Variants in DUXA observed in about 807,000 individuals in gnomAD.
DUXA encodes the protein double homeobox protein A.
A neutral mutation model predicts 27.5 loss-of-function variants in DUXA; 25 were observed. The observed-to-expected ratio is 0.91, with a 90% CI of 0.66 to 1.27. The LOEUF is 1.27. Among genes scored for constraint, DUXA ranks in the 50% most tolerant of loss-of-function variants. The pLI is 0.00. For missense variants in DUXA, 247 were observed against 242.9 expected (o/e 1.02, Z -0.11); for synonymous variants, 90 against 80.5 (o/e 1.12, Z -0.63).
rs534321374 is a variant in DUXA, at chr19:57,157,600, G to T, written c.438+728C>A. ...CCCACCTCAGCCTCCCAAAGTGCTGGCATTACAGACGTGAGCCACCGCACC... is the reference window on the plus strand; with the variant it reads ...CCCACCTCAGCCTCCCAAAGTGCTGTCATTACAGACGTGAGCCACCGCACC... On this transcript the variant is annotated intron_variant, in intron 4 of 5. Coordinates refer to ENST00000554048, the MANE Select transcript of DUXA (RefSeq NM_001012729.2). Among the ~76,000 whole-genome samples the T allele has an allele frequency of 1.0e-3, 155 of 152,024 alleles. No homozygotes were observed. In the Middle Eastern group the frequency reaches 0.01, roughly 10 times the overall value.
At chr19:57,158,222 C>T (rs2087001824) in intron 4 of DUXA, 106 bp downstream of exon 4, 1 of 1,366,674 alleles carries the variant, frequency 7.3e-7, no homozygotes, top group Admixed American at 1.8e-5. Flanking sequence ...GTGAAAGACC[C>T]TGAAATGTGC....
At chr19:57,165,915 T>C (rs1455068479) in intron 1 of DUXA, among the ~76,000 whole-genome samples, 2 of 151,458 alleles carry the variant, frequency 1.3e-5, no homozygotes, top group Non-Finnish European at 2.9e-5. Flanking sequence ...GCAAAAGATG[T>C]AGTGTATCAG....
Position 57,167,448 on chromosome 19 carries a change from G to C in DUXA, c.-5C>G, listed in dbSNP as rs1427048314. On this transcript the variant is annotated 5_prime_UTR_variant, in exon 1 of 6. Transcript: ENST00000554048. ...TGAATAGGTGTCTTCGGCCATGCTG[G>C]AAGAGAGTCCTGAAGGCTGAGCCAC... 4 of 1,613,382 alleles carry C rather than the reference G, an allele frequency of 2.5e-6. No homozygotes were observed. In the African/African-American group the frequency reaches 5.3e-5, roughly 22 times the overall value.
intron 1 of DUXA, among the ~76,000 whole-genome samples, chr19:57,165,337 ATATATATG>A (rs1349445326): frequency 4.2e-5 from 6 of 143,952 alleles, no homozygotes; most frequent in African/African-American, 1.0e-4. Flanking sequence ...ATATATATAT[ATATATATG>A]TATATATATA....
chr19:57,160,913 A>G, intron 1 of DUXA, 116 bp from the exon 2 acceptor site: 1 of 1,171,806 alleles, frequency 8.5e-7, no homozygotes, highest in South Asian at 1.5e-5. Context: ...CCACTCCAGG[A>G]GAACTACCCT....
chr19:57,155,321 G>T lies in DUXA; in HGVS notation c.490C>A (p.Pro164Thr), dbSNP rs749793051. 15 of 1,614,070 alleles carry T rather than the reference G, an allele frequency of 9.3e-6. No homozygotes were observed. Among genetic ancestry groups the T allele is most frequent in the Admixed American group, 1.7e-5 (1 of 59,996 alleles). Reference sequence around the variant, plus strand: ...TCTTCTTGTTCTAAGGACGCCACAGGTTCCCTTTTTCTCTGGAGAAGTAAT... The same window carrying T: ...TCTTCTTGTTCTAAGGACGCCACAGTTTCCCTTTTTCTCTGGAGAAGTAAT... ...SRLLLQRKRE[P>T]VASLEQEEQG... Residue 164 changes from proline (P) to threonine (T), a missense_variant, in exon 5 of 6, where the codon CCT (proline) becomes ACT (threonine). By Grantham distance (38) the Pro-to-Thr change is conservative (BLOSUM62 -1). Coordinates refer to ENST00000554048, the MANE Select transcript of DUXA (RefSeq NM_001012729.2).
At position 57,154,320 on chromosome 19, in the gene DUXA, G is replaced by A; in HGVS notation, c.*92C>T. On this transcript the variant is annotated 3_prime_UTR_variant, in exon 6 of 6. Transcript: ENST00000554048. ...TTACCATCTTCAGAAGGCTTAGCTT[G>A]CAGTTTCAGCAGAAGGATAGACTCC... 2.5e-6 allele frequency: 3 copies of A among 1,198,710 alleles called. No individual in the cohort carries two copies. The highest frequency in any genetic ancestry group is 2.4e-6 in the Non-Finnish European group (2 of 818,824). The allele number at this position is 1,198,710 out of a possible 1,614,324, so 74.3% of individuals were successfully genotyped here. A position where few individuals can be genotyped will look rare whatever the true frequency, so the allele number is the denominator to read the frequency against.
intron 4 of DUXA, among the ~76,000 whole-genome samples, chr19:57,157,228 A>G (rs1199209108): frequency 1.3e-5 from 2 of 152,218 alleles, no homozygotes; most frequent in East Asian, 1.9e-4. Context: ...CACACCCTAC[A>G]CAGCAGTCTG....
At chr19:57,157,062 C>T (rs888570046) in intron 4 of DUXA, among the ~76,000 whole-genome samples, 4 of 152,086 alleles carry the variant, frequency 2.6e-5, no homozygotes, top group African/African-American at 9.7e-5. Flanking sequence ...TAGTACAGTA[C>T]CTAGCACATA....
At chr19:57,154,567 C>CTTTTTT in intron 5 of DUXA, 85 bp from the exon 6 acceptor site, 1 of 776,756 alleles carries the variant, frequency 1.3e-6, no homozygotes, top group South Asian at 1.9e-5. Context: ...CCCACCTTTT[C>CTTTTTT]TTTTTTTTTT....
chr19:57,159,531 G>T (rs2087009728), intron 2 of DUXA, among the ~76,000 whole-genome samples: 1 of 151,960 alleles, frequency 6.6e-6, no homozygotes, highest in South Asian at 2.1e-4. Flanking sequence ...TCCTGGCTCA[G>T]ACTCCCAAGG....
chr19:57,154,690 A>C (rs1210048057), intron 5 of DUXA, among the ~76,000 whole-genome samples: 1 of 151,696 alleles, frequency 6.6e-6, no homozygotes, highest in Admixed American at 6.6e-5. Context: ...CAGCCTCCCG[A>C]GTAGCTGGGA....
chr19:57,159,258 T>G lies in DUXA; in HGVS notation c.201A>C (p.Arg67Ser), dbSNP rs772043384. The change falls in exon 3 of 6, where the codon AGA becomes AGC. Residue 67 changes from arginine (R) to serine (S), a missense_variant. Physicochemically the swap from Arg to Ser is moderately radical, Grantham distance 110. Transcript: ENST00000554048. ...SRIQIWFQNR[R>S]ARHGFQKRPE... ...GTCTTTTCTGGAATCCGTGCCTAGC[T>G]CTTCGATTCTGAAACCAAATCTAAG... 21 of 1,613,702 alleles carry G rather than the reference T, an allele frequency of 1.3e-5. No homozygotes were observed. The highest frequency in any genetic ancestry group is 1.7e-5 in the Non-Finnish European group (20 of 1,179,962).
rs557813580 is a variant in DUXA at position 57,160,548 on chromosome 19, G to GC, written c.180+94dup. Reference sequence around the variant, plus strand: ...GGTCAGTTGAGATACTCCCTACCAAGCCCTCAGCACATGGGTACATAGTAT... The same window carrying GC: ...GGTCAGTTGAGATACTCCCTACCAAGCCCCTCAGCACATGGGTACATAGTAT... On this transcript the variant is annotated intron_variant, in intron 2 of 5. Coordinates refer to ENST00000554048, the MANE Select transcript of DUXA (RefSeq NM_001012729.2). 327 of 1,418,964 alleles carry GC rather than the reference G, an allele frequency of 2.3e-4. 5 individuals carry two copies. In the Admixed American group the frequency reaches 6.5e-3, roughly 28 times the overall value. 87.9% of individuals were successfully genotyped at this position (1,418,964 alleles called of 1,614,324 possible).
chr19:57,159,291 A>G lies in DUXA; in HGVS notation c.181-13T>C, dbSNP rs754350422. On this transcript the variant is annotated splice_polypyrimidine_tract_variant and intron_variant, in intron 2 of 5. Transcript: ENST00000554048. ...TCTGAAACCAAATCTAAGTGAGGAA[A>G]AGAAAAGGAGAGAATTACGTGTTAA... is the stretch of plus-strand genomic sequence containing the variant. 36 of 1,609,560 alleles carry G rather than the reference A, an allele frequency of 2.2e-5. No individual in the cohort carries two copies. Among genetic ancestry groups the G allele is most frequent in the Non-Finnish European group, 2.6e-5 (31 of 1,176,978 alleles).
At position 57,155,389 on chromosome 19, in the gene DUXA, A is replaced by C. The variant is rs1432692582; in HGVS notation, c.439-17T>G. ...GAACCAAATCTAAGTGGTAAGACAA[A>C]GAAACTTAATTTAAACAAAGAATGT... On this transcript the variant is annotated splice_polypyrimidine_tract_variant and intron_variant, in intron 4 of 5. Transcript: ENST00000554048. 6.4e-7 allele frequency: 1 copy of C among 1,568,622 alleles called. No homozygotes were observed. Among genetic ancestry groups the C allele is most frequent in the Admixed American group, 1.7e-5 (1 of 59,220 alleles).
intron 1 of DUXA, among the ~76,000 whole-genome samples, chr19:57,165,622 A>G (rs564144077): frequency 3.4e-4 from 51 of 151,708 alleles, no homozygotes; most frequent in South Asian, 3.1e-3. Flanking sequence ...TGGCTAACAC[A>G]GTGAAACCCC....
In DUXA at chr19:57,160,111, A is replaced by T. The variant is rs140760021; in HGVS notation, c.180+532T>A. On this transcript the variant is annotated intron_variant, in intron 2 of 5. Coordinates refer to ENST00000554048, the MANE Select transcript of DUXA (RefSeq NM_001012729.2). Reference sequence around the variant, plus strand: ...CACAGCGAGACTCTGTCTCAAAATTAAAAAAAATTAGCTGTGGTGGCACAT... The same window carrying T: ...CACAGCGAGACTCTGTCTCAAAATTTAAAAAAATTAGCTGTGGTGGCACAT... 7.5e-3 allele frequency among the ~76,000 whole-genome samples: 1,144 copies of T among 151,804 alleles called. 4 individuals carry two copies. Among genetic ancestry groups the T allele is most frequent in the Non-Finnish European group, 0.012 (827 of 67,878 alleles).
intron 4 of DUXA, 80 bp downstream of exon 4, chr19:57,158,248 A>G: frequency 1.3e-6 from 2 of 1,517,870 alleles, no homozygotes; most frequent in Non-Finnish European, 1.8e-6. Flanking sequence ...ATGATGAGGA[A>G]CTGCCTGAGG....
Sources: gnomAD v4.1 joint callset for allele counts (sites outside exome capture counted in the v4.1 genomes callset) on GRCh38, gnomAD v4.1.1 for gene constraint, MANE v1.5 for transcripts, NCBI Gene and HGNC (gene_info 2026-07-23, HGNC 2026-07-21) for gene names.